EXOC4: variants seen among roughly 807,000 people sequenced by gnomAD.
EXOC4 encodes the protein SEC8-like 1.
In EXOC4, 71 loss-of-function variants were observed where a neutral mutation model predicts 107.2. That is an observed-to-expected ratio of 0.66 (90% confidence interval 0.55 to 0.81). The LOEUF is 0.81. Ranked by LOEUF, EXOC4 falls within the 30% of genes least tolerant of loss-of-function variation. The pLI is 0.00. For synonymous variants in EXOC4, 456 were observed against 441.2 expected (o/e 1.03, Z -0.42); for missense variants, 1,108 against 1,189.6 (o/e 0.93, Z 1.01).
intron 17 of EXOC4, among the ~76,000 whole-genome samples, chr7:134,054,135 C>T (rs141467711): frequency 9.9e-5 from 15 of 152,184 alleles, no homozygotes; most frequent in African/African-American, 3.1e-4. Flanking sequence ...TTGGTAAAGA[C>T]GGAGTTTTGC....
chr7:133,346,015 G>T (rs1177290465), intron 5 of EXOC4, among the ~76,000 whole-genome samples: 1 of 152,186 alleles, frequency 6.6e-6, no homozygotes, highest in Non-Finnish European at 1.5e-5. Flanking sequence ...GGCAACCAGT[G>T]CCTCAGATAT....
At chr7:133,424,302 A>C (rs1398890454) in intron 7 of EXOC4, among the ~76,000 whole-genome samples, 1 of 151,770 alleles carries the variant, frequency 6.6e-6, no homozygotes, top group Non-Finnish European at 1.5e-5. Context: ...GTGCACCTTC[A>C]CTCCTGAGGC....
intron 7 of EXOC4, among the ~76,000 whole-genome samples, chr7:133,465,002 A>G (rs1462086448): frequency 6.6e-6 from 1 of 150,766 alleles, no homozygotes; most frequent in Non-Finnish European, 1.5e-5. Context: ...TTTTTTTGGT[A>G]GAGACACGGC....
chr7:133,749,991 GTGGATTT>G (rs1795762735), intron 10 of EXOC4, among the ~76,000 whole-genome samples: 1 of 116,004 alleles, frequency 8.6e-6, no homozygotes, highest in Admixed American at 1.1e-4. Flanking sequence ...TTTTTAACCA[GTGGATTT>G]TGGTGCCATG....
chr7:133,395,407 TG>T (rs1365547998), intron 7 of EXOC4, among the ~76,000 whole-genome samples: 2 of 152,098 alleles, frequency 1.3e-5, no homozygotes, highest in Non-Finnish European at 2.9e-5. Flanking sequence ...AACAAAAATC[TG>T]GAGGCAGCCA....
the EXOC4 span, among the ~76,000 whole-genome samples, chr7:134,094,452 C>T: frequency 0.037 from 5,632 of 152,026 alleles, 330 homozygotes; most frequent in African/African-American, 0.12. Context: ...TATCCCAGAC[C>T]GGGTGGATTC....
At chr7:133,393,578 A>T (rs77215433) in intron 7 of EXOC4, among the ~76,000 whole-genome samples, 2 of 152,120 alleles carry the variant, frequency 1.3e-5, no homozygotes, top group Non-Finnish European at 2.9e-5. Flanking sequence ...GGCTTTGGGA[A>T]GTAATTAAGT....
intron 12 of EXOC4, among the ~76,000 whole-genome samples, chr7:133,917,288 A>G (rs1432869800): frequency 6.6e-6 from 1 of 152,090 alleles, no homozygotes; most frequent in Non-Finnish European, 1.5e-5. Context: ...CCCCCCCAAA[A>G]CATACCATAT....
At chr7:133,269,997 C>T (rs1436758720) in intron 1 of EXOC4, among the ~76,000 whole-genome samples, 3 of 152,124 alleles carry the variant, frequency 2.0e-5, no homozygotes, top group Non-Finnish European at 4.4e-5. Context: ...AATTTTAACT[C>T]CCACAATTCC....
At position 134,054,350 on chromosome 7, in the gene EXOC4, C is replaced by T. The variant is rs537586961; in HGVS notation, c.2688-9941C>T. Among the ~76,000 whole-genome samples, 12 of 152,302 alleles carry T rather than the reference C, an allele frequency of 7.9e-5. No individual in the cohort carries two copies. The South Asian group carries it at 2.1e-3, about 26-fold the overall frequency. On this transcript the variant is annotated intron_variant, in intron 17 of 17. Coordinates refer to ENST00000253861, the MANE Select transcript of EXOC4 (RefSeq NM_021807.4). ...TCACCCACCTGTTCTAAGGTTTCTC[C>T]CAACTATTGAATGAATATAGGAGGT... is the stretch of plus-strand genomic sequence containing the variant.
At chr7:133,873,905 A>T (rs865914756) in intron 11 of EXOC4, among the ~76,000 whole-genome samples, 1 of 152,214 alleles carries the variant, frequency 6.6e-6, no homozygotes, top group Non-Finnish European at 1.5e-5. Flanking sequence ...TGGGCAGTAC[A>T]TGGGTGGTAC....
intron 6 of EXOC4, among the ~76,000 whole-genome samples, chr7:133,358,137 G>A (rs1368276726): frequency 2.0e-5 from 3 of 152,084 alleles, no homozygotes; most frequent in Non-Finnish European, 2.9e-5. Flanking sequence ...GCAGTGAGCC[G>A]AGCACACTAC....
intron 2 of EXOC4, among the ~76,000 whole-genome samples, chr7:133,286,953 G>A (rs1303607398): frequency 6.6e-6 from 1 of 152,134 alleles, no homozygotes; most frequent in African/African-American, 2.4e-5. Flanking sequence ...TGGCTTGATG[G>A]GGATTTGGGG....
chr7:133,497,562 C>G (rs1347029394), intron 9 of EXOC4, among the ~76,000 whole-genome samples: 4 of 152,034 alleles, frequency 2.6e-5, no homozygotes, highest in Admixed American at 2.6e-4. Flanking sequence ...TCCTGAGTAG[C>G]TGGGACTGCA....
At chr7:133,742,635 G>A (rs192243273) in intron 10 of EXOC4, among the ~76,000 whole-genome samples, 27 of 152,314 alleles carry the variant, frequency 1.8e-4, no homozygotes, top group Admixed American at 1.6e-3. Flanking sequence ...AAAGGAATCA[G>A]AATCTGTTAA....
chr7:133,927,447 T>G (rs577189350), intron 13 of EXOC4, among the ~76,000 whole-genome samples: 2 of 152,180 alleles, frequency 1.3e-5, no homozygotes, highest in Non-Finnish European at 2.9e-5. Context: ...ATTTGAAAGG[T>G]TCTCAACGTA....
chr7:133,708,425 T>C (rs1161947709), intron 10 of EXOC4, among the ~76,000 whole-genome samples: 1 of 152,172 alleles, frequency 6.6e-6, no homozygotes, highest in Non-Finnish European at 1.5e-5. Context: ...GAGATCAACA[T>C]TAATTGACAT....
intron 9 of EXOC4, among the ~76,000 whole-genome samples, chr7:133,575,658 T>G (rs1801111708): frequency 6.6e-6 from 1 of 152,186 alleles, no homozygotes; most frequent in South Asian, 2.1e-4. Context: ...ATTAACATTG[T>G]AATAAGCACA....
intron 7 of EXOC4, among the ~76,000 whole-genome samples, chr7:133,384,014 C>G (rs1395523175): frequency 6.6e-6 from 1 of 152,108 alleles, no homozygotes; most frequent in Non-Finnish European, 1.5e-5. Context: ...GAGTTTGTTT[C>G]TGTAGCACCA....
Sources: gnomAD v4.1 joint callset for allele counts (sites outside exome capture counted in the v4.1 genomes callset) on GRCh38, gnomAD v4.1.1 for gene constraint, MANE v1.5 for transcripts, NCBI Gene and HGNC (gene_info 2026-07-23, HGNC 2026-07-21) for gene names.